Variants in PKNOX2 observed in about 807,000 individuals in gnomAD.
PKNOX2 encodes the protein homeobox protein PKNOX2.
Under a neutral mutation model 53.1 loss-of-function variants are expected in PKNOX2, and 14 were observed. The observed-to-expected ratio is 0.26, with a 90% CI of 0.17 to 0.41. The LOEUF is 0.41. Among genes scored for constraint, PKNOX2 ranks in the 10% least tolerant of loss-of-function variants. The pLI is 1.00. For missense variants in PKNOX2, 496 were observed against 602.8 expected (o/e 0.82, Z 1.85); for synonymous variants, 257 against 242.8 (o/e 1.06, Z -0.54).
At chr11:125,238,965 G>A (rs1942948220) in intron 2 of PKNOX2, among the ~76,000 whole-genome samples, 1 of 152,162 alleles carries the variant, frequency 6.6e-6, no homozygotes, top group African/African-American at 2.4e-5. Context: ...AAATGGGGTT[G>A]TATATACTTC....
intron 2 of PKNOX2, among the ~76,000 whole-genome samples, chr11:125,291,192 C>T (rs1162881818): frequency 1.3e-5 from 2 of 152,152 alleles, no homozygotes; most frequent in Non-Finnish European, 2.9e-5. Context: ...TCACTTTCCT[C>T]GCATGTAAAG....
chr11:125,267,717 C>T (rs1341732815), intron 2 of PKNOX2, among the ~76,000 whole-genome samples: 2 of 151,778 alleles, frequency 1.3e-5, no homozygotes, highest in Admixed American at 6.6e-5. Context: ...TGTGTATGCA[C>T]GTGTGTGTGT....
intron 6 of PKNOX2, among the ~76,000 whole-genome samples, chr11:125,394,651 G>T (rs1340206420): frequency 1.3e-5 from 2 of 152,118 alleles, no homozygotes; most frequent in African/African-American, 4.8e-5. Context: ...TTCCTTCCTT[G>T]TTTCCATCCC....
At chr11:125,248,035 CCTTTT>C (rs957871263) in intron 2 of PKNOX2, among the ~76,000 whole-genome samples, 12 of 152,304 alleles carry the variant, frequency 7.9e-5, no homozygotes, top group Non-Finnish European at 1.2e-4. Flanking sequence ...CTGTGTCTGT[CCTTTT>C]CCCCTGGGCC....
intron 2 of PKNOX2, among the ~76,000 whole-genome samples, chr11:125,272,367 A>G (rs1011603792): frequency 6.6e-6 from 1 of 152,194 alleles, no homozygotes; most frequent in Admixed American, 6.5e-5. Context: ...ACAGGCACAC[A>G]TATTATCTCA....
intron 1 of PKNOX2, among the ~76,000 whole-genome samples, chr11:125,192,978 C>T (rs538411057): frequency 1.3e-5 from 2 of 152,332 alleles, no homozygotes; most frequent in South Asian, 2.1e-4. Context: ...TGGGCAGTCC[C>T]TCGCCTCCAC....
chr11:125,185,009 C>G lies in PKNOX2; in HGVS notation c.-201+20233C>G, dbSNP rs181547241. 3.0e-3 allele frequency among the ~76,000 whole-genome samples: 460 copies of G among 152,304 alleles called. 1 individual carries two copies. Among genetic ancestry groups the G allele is most frequent in the African/African-American group, 0.01 (428 of 41,566 alleles). On this transcript the variant is annotated intron_variant, in intron 1 of 12. Transcript: ENST00000298282. ...CCCAGGCAGGTTACTCACTGTTTACCATTTTGTGTATGGTACCTGGCACAT... is the reference window on the plus strand; with the variant it reads ...CCCAGGCAGGTTACTCACTGTTTACGATTTTGTGTATGGTACCTGGCACAT...
chr11:125,195,051 C>A (rs1957101656), intron 1 of PKNOX2, among the ~76,000 whole-genome samples: 1 of 152,272 alleles, frequency 6.6e-6, no homozygotes, highest in African/African-American at 2.4e-5. Flanking sequence ...CATCCAACAT[C>A]ACACAACCAG....
intron 3 of PKNOX2, among the ~76,000 whole-genome samples, chr11:125,343,226 A>G (rs1950799942): frequency 6.6e-6 from 1 of 152,166 alleles, no homozygotes; most frequent in South Asian, 2.1e-4. Context: ...TTTTGGGGAC[A>G]CAATAGTCAT....
At chr11:125,314,584 G>A (rs2136027246) in intron 2 of PKNOX2, among the ~76,000 whole-genome samples, 1 of 152,278 alleles carries the variant, frequency 6.6e-6, no homozygotes, top group East Asian at 1.9e-4. Context: ...GAGGGGACAA[G>A]GCTTCGTACT....
At chr11:125,403,794 C>T (rs1023684715) in intron 7 of PKNOX2, among the ~76,000 whole-genome samples, 3 of 152,128 alleles carry the variant, frequency 2.0e-5, no homozygotes, top group Admixed American at 2.0e-4. Context: ...TGCTACGAAG[C>T]AAGAATTTGG....
intron 12 of PKNOX2, among the ~76,000 whole-genome samples, 173 bp downstream of exon 12, chr11:125,430,314 A>T (rs929469663): frequency 3.3e-5 from 5 of 152,226 alleles, no homozygotes. Context: ...GTTTTTGTAC[A>T]TAATTTAACA....
chr11:125,367,735 C>G lies in PKNOX2; in HGVS notation c.88-111C>G, dbSNP rs893569070. On this transcript the variant is annotated intron_variant, in intron 4 of 12. Transcript: ENST00000298282. The stretch of plus-strand genomic sequence containing the variant: ...ATTGTGTGCTCACAGTTCTCTTGGC[C>G]TCTTGCTCTCCTCCGGGCACAGCAC... The G allele has an allele frequency of 3.0e-5, 36 of 1,200,414 alleles. No homozygotes were observed. In the African/African-American group the frequency reaches 5.3e-4, roughly 18 times the overall value. 74.4% of individuals were successfully genotyped at this position (1,200,414 alleles called of 1,614,324 possible). A position where few individuals can be genotyped will look rare whatever the true frequency, so the allele number is the denominator to read the frequency against.
At chr11:125,413,099 G>A (rs1045814714) in intron 10 of PKNOX2, among the ~76,000 whole-genome samples, 11 of 152,242 alleles carry the variant, frequency 7.2e-5, no homozygotes, top group Admixed American at 2.6e-4. Flanking sequence ...CTCTGGGGGC[G>A]TGGGGCTGCC....
At position 125,370,686 on chromosome 11, in the gene PKNOX2, C is replaced by T. The variant is rs531763190; in HGVS notation, c.227+2701C>T. Among the ~76,000 whole-genome samples the T allele has an allele frequency of 1.3e-5, 2 of 152,392 alleles. No individual in the cohort carries two copies. The highest frequency in any genetic ancestry group is 2.9e-5 in the Non-Finnish European group (2 of 68,038). On this transcript the variant is annotated intron_variant, in intron 5 of 12. Coordinates refer to ENST00000298282, the MANE Select transcript of PKNOX2 (RefSeq NM_001382323.2). The surrounding 1 kb of genome is among the most constrained non-coding windows in gnomAD (Gnocchi z 4.1). ...GCCCCAGGGTTGTCTCCTACAACCA[C>T]ATCTCACCCATTAGTACCAGCCGCC...
At chr11:125,329,700 T>G (rs1852290349) in intron 2 of PKNOX2, among the ~76,000 whole-genome samples, 2 of 152,158 alleles carry the variant, frequency 1.3e-5, no homozygotes, top group African/African-American at 4.8e-5. Flanking sequence ...TGAGGAATGG[T>G]TCAGGTAGAA....
chr11:125,316,205 T>C (rs1949179889), intron 2 of PKNOX2, among the ~76,000 whole-genome samples: 2 of 152,222 alleles, frequency 1.3e-5, no homozygotes, highest in South Asian at 4.1e-4. Flanking sequence ...CCCTCTTTAG[T>C]GGTCGTCCAT....
intron 3 of PKNOX2, among the ~76,000 whole-genome samples, chr11:125,340,093 G>T (rs2136148262): frequency 6.6e-6 from 1 of 152,326 alleles, no homozygotes; most frequent in East Asian, 1.9e-4. Flanking sequence ...AAAATGCAAT[G>T]AAATATTTAA....
At chr11:125,385,873 C>A in intron 6 of PKNOX2, 151 bp downstream of exon 6, 1 of 975,990 alleles carries the variant, frequency 1.0e-6, no homozygotes, top group Non-Finnish European at 1.5e-6. Flanking sequence ...AGTCTTGCAG[C>A]CAACAACCAT....
Sources: allele counts gnomAD v4.1 joint callset (sites outside exome capture counted in the v4.1 genomes callset), GRCh38; gene constraint gnomAD v4.1.1; non-coding constraint Gnocchi (gnomAD v3.1); transcripts MANE v1.5; gene names NCBI Gene and HGNC (gene_info 2026-07-23, HGNC 2026-07-21).